ERI3: variants seen among roughly 807,000 people sequenced by gnomAD.
ERI3 encodes the protein ERI1 exoribonuclease family member 3.
Under a neutral mutation model 44.4 loss-of-function variants are expected in ERI3, and 18 were observed. The observed-to-expected ratio is 0.41, with a 90% CI of 0.28 to 0.60. The LOEUF is 0.60. Among genes scored for constraint, ERI3 ranks in the 20% least tolerant of loss-of-function variants. ERI3 has a pLI of 0.36. For missense variants in ERI3, 294 were observed against 435.5 expected (o/e 0.68, Z 2.89); for synonymous variants, 183 against 164.8 (o/e 1.11, Z -0.84).
chr1:44,295,653 T>G (rs1645594985), intron 6 of ERI3, among the ~76,000 whole-genome samples: 2 of 152,184 alleles, frequency 1.3e-5, no homozygotes, highest in African/African-American at 4.8e-5. Flanking sequence ...CTCGTGAAGA[T>G]GTATATATAG....
In ERI3 at chr1:44,252,111, G is replaced by A. The variant is rs1258035422; in HGVS notation, c.832-4073C>T. On this transcript the variant is annotated intron_variant, in intron 7 of 8. Transcript: ENST00000372257. The surrounding 1 kb of genome is among the most constrained non-coding windows in gnomAD (Gnocchi z 4.7). ...CTAGCCCCTGGGGTTCCCAGACAGA[G>A]GGTGGGGCAGGTAGGAAGATGACTG... 1.3e-5 allele frequency among the ~76,000 whole-genome samples: 2 copies of A among 152,246 alleles called. No homozygotes were observed. Among genetic ancestry groups the A allele is most frequent in the Non-Finnish European group, 2.9e-5 (2 of 68,044 alleles).
intron 6 of ERI3, among the ~76,000 whole-genome samples, chr1:44,294,691 A>C (rs1645574638): frequency 6.6e-6 from 1 of 152,228 alleles, no homozygotes; most frequent in African/African-American, 2.4e-5. Flanking sequence ...GTGGCTATGG[A>C]GAGGAGGCTG....
intron 7 of ERI3, among the ~76,000 whole-genome samples, chr1:44,276,068 G>C (rs1645175541): frequency 6.6e-6 from 1 of 152,194 alleles, no homozygotes; most frequent in Non-Finnish European, 1.5e-5. Context: ...TTGAGACAGA[G>C]GGGGAAGTGC....
Position 44,241,606 on chromosome 1 carries a change from GCGCTGA to G in ERI3, c.931+6327_931+6332del, listed in dbSNP as rs1302809517. Among the ~76,000 whole-genome samples the G allele has an allele frequency of 2.6e-5, 4 of 152,256 alleles. No individual in the cohort carries two copies. The highest frequency in any genetic ancestry group is 7.2e-5 in the African/African-American group (3 of 41,538). ...GGCTGCAAGATCACCAGGGGTCAGG[GCGCTGA>G]CATCCCCGCAGAGTCTATCTGCAAG... On this transcript the variant is annotated intron_variant, in intron 8 of 8. Coordinates refer to ENST00000372257, the MANE Select transcript of ERI3 (RefSeq NM_024066.3). The surrounding 1 kb of genome is among the most constrained non-coding windows in gnomAD (Gnocchi z 5.6).
intron 2 of ERI3, among the ~76,000 whole-genome samples, chr1:44,348,042 G>T (rs1405120366): frequency 2.0e-5 from 3 of 152,202 alleles, no homozygotes; most frequent in Non-Finnish European, 4.4e-5. Flanking sequence ...AAGTAAGCAA[G>T]AGTAAATGTT....
In ERI3 at chr1:44,255,135, T is replaced by G. The variant is rs1326849199; in HGVS notation, c.832-7097A>C. Among the ~76,000 whole-genome samples the G allele has an allele frequency of 2.6e-5, 4 of 152,056 alleles. No homozygotes were observed. In the East Asian group the frequency reaches 7.7e-4, roughly 29 times the overall value. The stretch of plus-strand genomic sequence containing the variant: ...TGGCTCTCTGAAACCTATGTTAAGT[T>G]TTAGATTATTTTTAAAGTTCTATAT... On this transcript the variant is annotated intron_variant, in intron 7 of 8. Transcript: ENST00000372257.
At chr1:44,258,550 T>C (rs1459792247) in intron 7 of ERI3, among the ~76,000 whole-genome samples, 1 of 152,132 alleles carries the variant, frequency 6.6e-6, no homozygotes, top group Non-Finnish European at 1.5e-5. Flanking sequence ...TGCTGGGTGC[T>C]AGAGATACAC....
chr1:44,237,687 G>A (rs1644335489), intron 8 of ERI3, among the ~76,000 whole-genome samples: 1 of 152,184 alleles, frequency 6.6e-6, no homozygotes, highest in South Asian at 2.1e-4. Context: ...TATGAACTAG[G>A]TGCAGCTCTG....
intron 7 of ERI3, among the ~76,000 whole-genome samples, chr1:44,262,592 C>A (rs1268788384): frequency 1.3e-5 from 2 of 152,190 alleles, no homozygotes; most frequent in South Asian, 4.1e-4. Flanking sequence ...CTACCCTATC[C>A]CTTAGCACGC....
At chr1:44,295,527 G>A (rs188556744) in intron 6 of ERI3, among the ~76,000 whole-genome samples, 8 of 152,154 alleles carry the variant, frequency 5.3e-5, no homozygotes, top group East Asian at 1.9e-4. Flanking sequence ...GGCTACTACC[G>A]GAATGCCAGC....
chr1:44,299,406 C>G (rs1645678023), intron 6 of ERI3, among the ~76,000 whole-genome samples: 1 of 151,984 alleles, frequency 6.6e-6, no homozygotes, highest in Non-Finnish European at 1.5e-5. Flanking sequence ...TCAGGCTGGT[C>G]TCAAACTCCT....
chr1:44,275,126 C>T (rs1253456126), intron 7 of ERI3, among the ~76,000 whole-genome samples: 1 of 152,154 alleles, frequency 6.6e-6, no homozygotes, highest in East Asian at 1.9e-4. Flanking sequence ...TTGCAGAGCC[C>T]CTAGCTATTC....
chr1:44,239,525 A>G (rs901962607), intron 8 of ERI3, among the ~76,000 whole-genome samples: 1 of 152,174 alleles, frequency 6.6e-6, no homozygotes, highest in Admixed American at 6.5e-5. Context: ...CCAGAGCCCA[A>G]ATTCCTGCTG....
At chr1:44,274,335 T>G (rs1400973560) in intron 7 of ERI3, among the ~76,000 whole-genome samples, 1 of 152,196 alleles carries the variant, frequency 6.6e-6, no homozygotes, top group African/African-American at 2.4e-5. Flanking sequence ...CCAATCAAAG[T>G]AACAGTGCCG....
intron 6 of ERI3, among the ~76,000 whole-genome samples, chr1:44,299,646 A>G (rs1645683260): frequency 6.6e-6 from 1 of 152,146 alleles, no homozygotes; most frequent in South Asian, 2.1e-4. Context: ...TTCACTCTCT[A>G]TCTGACAGAA....
chr1:44,299,535 TAAA>T (rs1246103844), intron 6 of ERI3, among the ~76,000 whole-genome samples: 1 of 151,906 alleles, frequency 6.6e-6, no homozygotes, highest in African/African-American at 2.4e-5. Flanking sequence ...AAAAGGGTTT[TAAA>T]AAAACACAGA....
chr1:44,352,776 C>T (rs1646921838), intron 2 of ERI3, 74 bp downstream of exon 2: 1 of 1,540,234 alleles, frequency 6.5e-7, no homozygotes, highest in Admixed American at 1.7e-5. Context: ...GCATCAGCCC[C>T]CACCCCCTAC....
chr1:44,257,159 G>T (rs1479275986), intron 7 of ERI3, among the ~76,000 whole-genome samples: 2 of 152,100 alleles, frequency 1.3e-5, no homozygotes, highest in Non-Finnish European at 2.9e-5. Flanking sequence ...ATCTGTCACT[G>T]CATAACGATA....
rs77119177 is a variant in ERI3, at chr1:44,346,519, C to T, written c.211+6331G>A. Among the ~76,000 whole-genome samples, 54 of 152,270 alleles carry T rather than the reference C, an allele frequency of 3.5e-4. 1 individual carries two copies. Among genetic ancestry groups the T allele is most frequent in the Middle Eastern group, 6.8e-3 (2 of 294 alleles). On this transcript the variant is annotated intron_variant, in intron 2 of 8. Coordinates refer to ENST00000372257, the MANE Select transcript of ERI3 (RefSeq NM_024066.3). ...AAGTCAGTTGCAACCTCATCACACA[C>T]GAGAAGGGGCAAAGCCTTGCTTCCT...
Sources: allele counts gnomAD v4.1 joint callset (sites outside exome capture counted in the v4.1 genomes callset), GRCh38; gene constraint gnomAD v4.1.1; non-coding constraint Gnocchi (gnomAD v3.1); transcripts MANE v1.5; gene names NCBI Gene and HGNC (gene_info 2026-07-23, HGNC 2026-07-21).